Variants in WWOX observed in about 807,000 individuals in gnomAD.
The protein encoded by WWOX is WW domain containing oxidoreductase, also known as WW domain-containing oxidoreductase.
A neutral mutation model predicts 46.2 loss-of-function variants in WWOX; 69 were observed. The observed-to-expected ratio is 1.49, with a 90% CI of 1.23 to 1.82. The LOEUF (loss-of-function observed/expected upper bound fraction) is 1.82. WWOX is among the 40% of genes most tolerant of loss of function. The pLI, the probability that WWOX is intolerant of heterozygous loss-of-function variation, is 0.00. For missense variants in WWOX, 919 were observed against 542.6 expected (o/e 1.69, Z -6.89); for synonymous variants, 359 against 202.6 (o/e 1.77, Z -6.56).
intron 6 of WWOX, among the ~76,000 whole-genome samples, chr16:78,415,068 T>C (rs1052207190): frequency 6.7e-6 from 1 of 148,368 alleles, no homozygotes; most frequent in Non-Finnish European, 1.5e-5. Flanking sequence ...AGCTATAATA[T>C]ATTTTAATAT....
chr16:78,363,283 C>G (rs529184648), intron 5 of WWOX, among the ~76,000 whole-genome samples: 1 of 144,950 alleles, frequency 6.9e-6, no homozygotes, highest in Non-Finnish European at 1.5e-5. Flanking sequence ...TTTTTGAGGG[C>G]TTTTTTTTTT....
At chr16:78,103,825 G>A (rs1029889646) in intron 1 of WWOX, among the ~76,000 whole-genome samples, 3 of 151,954 alleles carry the variant, frequency 2.0e-5, no homozygotes, top group African/African-American at 7.3e-5. Context: ...CTGAGACCTC[G>A]GGGTCTGGTG....
chr16:78,517,855 A>ATTTTTTTTTTTT (rs11342538), intron 8 of WWOX, among the ~76,000 whole-genome samples: 5 of 86,388 alleles, frequency 5.8e-5, no homozygotes, highest in African/African-American at 8.1e-5. Context: ...TACACAACCT[A>ATTTTTTTTTTTT]TTTTTTTTTT....
intron 8 of WWOX, among the ~76,000 whole-genome samples, chr16:78,965,301 G>A (rs956314168): frequency 9.9e-5 from 15 of 152,186 alleles, no homozygotes; most frequent in Non-Finnish European, 2.2e-4. Context: ...AGACACGGTG[G>A]CTCATGCCTA....
At chr16:79,087,769 A>G (rs1431215941) in intron 8 of WWOX, among the ~76,000 whole-genome samples, 1 of 152,150 alleles carries the variant, frequency 6.6e-6, no homozygotes, top group Non-Finnish European at 1.5e-5. Context: ...CTGCTCTTTT[A>G]GTTTAGTACG....
intron 8 of WWOX, among the ~76,000 whole-genome samples, chr16:78,889,978 A>C (rs923652585): frequency 6.6e-6 from 1 of 152,040 alleles, no homozygotes. Context: ...CAGAAAATGA[A>C]TCTCTGTTTT....
At chr16:79,109,265 T>C (rs771551888) in intron 8 of WWOX, among the ~76,000 whole-genome samples, 26 of 152,226 alleles carry the variant, frequency 1.7e-4, no homozygotes, top group Non-Finnish European at 2.2e-4. Context: ...GTGTGCACTG[T>C]GGCTGGGAGT....
In WWOX at chr16:78,376,240, C is replaced by T. The variant is rs536696916; in HGVS notation, c.517-10620C>T. Among the ~76,000 whole-genome samples, 20 of 150,356 alleles carry T rather than the reference C, an allele frequency of 1.3e-4. No individual in the cohort carries two copies. In the East Asian group the frequency reaches 2.1e-3, roughly 16 times the overall value. The stretch of plus-strand genomic sequence containing the variant: ...CTGTTTTTACTGATAAGGAAGCTCA[C>T]GCTTAGAGAATGTAAGTAAAAAGTT... On this transcript the variant is annotated intron_variant, in intron 5 of 8. Coordinates refer to ENST00000566780, the MANE Select transcript of WWOX (RefSeq NM_016373.4).
At chr16:78,739,443 C>G (rs1026020198) in intron 8 of WWOX, among the ~76,000 whole-genome samples, 1 of 152,158 alleles carries the variant, frequency 6.6e-6, no homozygotes, top group Non-Finnish European at 1.5e-5. Flanking sequence ...TTCGGTTCCT[C>G]CAAGCTCTAG....
intron 8 of WWOX, among the ~76,000 whole-genome samples, chr16:78,797,651 T>C (rs569302379): frequency 1.3e-5 from 2 of 152,262 alleles, no homozygotes; most frequent in Admixed American, 1.3e-4. Context: ...CTCAAGGAAC[T>C]ATGATAAGTA....
chr16:78,541,390 C>T lies in WWOX; in HGVS notation c.1056+108638C>T, dbSNP rs910702981. 2.2e-3 allele frequency among the ~76,000 whole-genome samples: 291 copies of T among 130,620 alleles called. 1 individual carries two copies. Among genetic ancestry groups the T allele is most frequent in the Admixed American group, 5.2e-3 (56 of 10,850 alleles). The allele number at this position is 130,620 out of a possible 152,430, so 85.7% of individuals were successfully genotyped here. On this transcript the variant is annotated intron_variant, in intron 8 of 8. Transcript: ENST00000566780. ...TTGGGAGGCTGAGGCAGGAGAATGGCGTGAACCCGGGAGGCGGAGCTTGCA... is the reference window on the plus strand; with the variant it reads ...TTGGGAGGCTGAGGCAGGAGAATGGTGTGAACCCGGGAGGCGGAGCTTGCA...
chr16:78,291,624 C>A (rs1195517503), intron 5 of WWOX, among the ~76,000 whole-genome samples: 2 of 152,250 alleles, frequency 1.3e-5, no homozygotes, highest in East Asian at 3.9e-4. Flanking sequence ...TAACTTGGAT[C>A]CCCAGGTTTC....
chr16:78,893,279 C>T (rs1357987572), intron 8 of WWOX, among the ~76,000 whole-genome samples: 6 of 152,130 alleles, frequency 3.9e-5, no homozygotes, highest in Admixed American at 2.0e-4. Context: ...TGCCAACCTC[C>T]CAGTGCCACA....
intron 8 of WWOX, chr16:78,534,428 A>G (rs1368824295): frequency 6.6e-6 from 1 of 152,236 alleles, no homozygotes; most frequent in Non-Finnish European, 1.5e-5. Flanking sequence ...TCATGGTGAA[A>G]GAAGACAGAC....
intron 6 of WWOX, among the ~76,000 whole-genome samples, chr16:78,391,864 A>T (rs1365066703): frequency 6.6e-6 from 1 of 152,164 alleles, no homozygotes; most frequent in Non-Finnish European, 1.5e-5. Flanking sequence ...TTAGTGGCTA[A>T]AAAACAACGT....
At chr16:78,651,328 G>A (rs2046962078) in intron 8 of WWOX, among the ~76,000 whole-genome samples, 1 of 152,224 alleles carries the variant, frequency 6.6e-6, no homozygotes, top group Non-Finnish European at 1.5e-5. Flanking sequence ...GTTCCTTTGT[G>A]TCTACAGAAA....
chr16:79,059,488 T>G (rs886671504), intron 8 of WWOX, among the ~76,000 whole-genome samples: 1 of 152,184 alleles, frequency 6.6e-6, no homozygotes, highest in Non-Finnish European at 1.5e-5. Flanking sequence ...TCTTTTTTAT[T>G]TATATGTTTT....
At chr16:79,158,953 A>G (rs889676818) in intron 8 of WWOX, among the ~76,000 whole-genome samples, 3 of 152,214 alleles carry the variant, frequency 2.0e-5, no homozygotes, top group African/African-American at 7.2e-5. Flanking sequence ...CATTTATTGA[A>G]TAGATGAAAG....
intron 5 of WWOX, among the ~76,000 whole-genome samples, chr16:78,287,147 A>G (rs185655618): frequency 2.6e-5 from 4 of 152,376 alleles, no homozygotes. Flanking sequence ...AGAACTGGCA[A>G]TCAACGCCAT....
Sources: gnomAD v4.1 joint callset for allele counts (sites outside exome capture counted in the v4.1 genomes callset) on GRCh38, gnomAD v4.1.1 for gene constraint, MANE v1.5 for transcripts, NCBI Gene and HGNC (gene_info 2026-07-23, HGNC 2026-07-21) for gene names.